ZNF407: variants seen among roughly 807,000 people sequenced by gnomAD.
ZNF407 encodes the protein zinc finger protein 407.
Under a neutral mutation model 131.2 loss-of-function variants are expected in ZNF407, and 17 were observed. That is an observed-to-expected ratio of 0.13 (90% CI 0.09 to 0.19). The LOEUF (loss-of-function observed/expected upper bound fraction) is 0.19, where lower values mean the gene tolerates loss of function less well. Among genes scored for constraint, ZNF407 ranks in the 10% least tolerant of loss-of-function variants. The pLI, the probability that ZNF407 is intolerant of heterozygous loss-of-function variation, is 1.00. For missense variants in ZNF407, 2,681 were observed against 2,830.6 expected (o/e 0.95, Z 1.20); for synonymous variants, 1,156 against 1,062.0 (o/e 1.09, Z -1.72).
chr18:75,054,830 C>G (rs1336258896), intron 8 of ZNF407, among the ~76,000 whole-genome samples: 2 of 152,248 alleles, frequency 1.3e-5, no homozygotes, highest in African/African-American at 4.8e-5. Context: ...GTTTGAAGGT[C>G]TTCTGGAAGC....
rs553686323 is a variant in ZNF407 at position 75,014,978 on chromosome 18, A to G, written c.5429-48172A>G. ...AACAAATATTCTACAATGGAAGTTG[A>G]TGGAACCTGAATGGATTAATTGTTT... On this transcript the variant is annotated intron_variant, in intron 8 of 8. Coordinates refer to ENST00000299687, the MANE Select transcript of ZNF407 (RefSeq NM_017757.3). 9.2e-5 allele frequency among the ~76,000 whole-genome samples: 14 copies of G among 152,204 alleles called. No individual in the cohort carries two copies. In the East Asian group the frequency reaches 1.9e-3, roughly 21 times the overall value.
At chr18:74,727,558 T>A (rs1968188255) in intron 3 of ZNF407, among the ~76,000 whole-genome samples, 1 of 152,246 alleles carries the variant, frequency 6.6e-6, no homozygotes, top group African/African-American at 2.4e-5. Flanking sequence ...GGGGCTCGAA[T>A]GAAGTCTCCG....
chr18:75,006,402 C>T (rs1972910937), intron 8 of ZNF407, among the ~76,000 whole-genome samples: 1 of 152,136 alleles, frequency 6.6e-6, no homozygotes, highest in Non-Finnish European at 1.5e-5. Context: ...GGCATTAACA[C>T]TAGAGGTCCT....
intron 7 of ZNF407, among the ~76,000 whole-genome samples, chr18:74,900,435 A>G (rs1327286852): frequency 6.6e-6 from 1 of 152,068 alleles, no homozygotes; most frequent in African/African-American, 2.4e-5. Flanking sequence ...CTCCCTACCT[A>G]TACACCCCAA....
At chr18:74,996,874 A>G (rs1259177005) in intron 8 of ZNF407, among the ~76,000 whole-genome samples, 1 of 152,276 alleles carries the variant, frequency 6.6e-6, no homozygotes, top group South Asian at 2.1e-4. Flanking sequence ...TTTTGTAGCT[A>G]TCAGACTTTC....
Position 75,063,480 on chromosome 18 carries a change from A to G in ZNF407, c.5759A>G (p.His1920Arg). 1 of 1,601,788 alleles carries G rather than the reference A, an allele frequency of 6.2e-7. No homozygotes were observed. The highest frequency in any genetic ancestry group is 1.3e-5 in the African/African-American group (1 of 74,858). Residue 1920 changes from histidine to arginine, a missense_variant, in exon 9 of 9, where the codon CAT becomes CGT. Physicochemically the swap from His to Arg is conservative, Grantham distance 29 (BLOSUM62 0). Around this residue, in one of 6 missense-constraint regions of ZNF407, gnomAD observed 620 missense variants for 583.1 expected, o/e 1.06. Coordinates refer to ENST00000299687, the MANE Select transcript of ZNF407 (RefSeq NM_017757.3). This position sits in a 1 kb window ranked among gnomAD's most constrained non-coding sequence, Gnocchi z 6.6. Reference protein sequence around the residue: ...QVIATSQSGAHVGSVVPGPIL... With the variant: ...QVIATSQSGARVGSVVPGPIL... ...ATCGCCACGAGTCAGAGCGGGGCACATGTAGGCAGCGTGGTGCCCGGACCC... is the reference window on the plus strand; with the variant it reads ...ATCGCCACGAGTCAGAGCGGGGCACGTGTAGGCAGCGTGGTGCCCGGACCC...
At chr18:74,782,913 A>C (rs1460067232) in intron 4 of ZNF407, among the ~76,000 whole-genome samples, 1 of 152,096 alleles carries the variant, frequency 6.6e-6, no homozygotes, top group Non-Finnish European at 1.5e-5. Flanking sequence ...TATTTCCCTT[A>C]TCTTTCTTTG....
intron 3 of ZNF407, among the ~76,000 whole-genome samples, chr18:74,736,390 T>C (rs1055541479): frequency 6.6e-6 from 1 of 152,094 alleles, no homozygotes; most frequent in African/African-American, 2.4e-5. Flanking sequence ...AAGAAAATGG[T>C]TTTTTAGTGG....
intron 1 of ZNF407, among the ~76,000 whole-genome samples, chr18:74,610,967 G>A (rs946018355): frequency 8.5e-5 from 13 of 152,144 alleles, no homozygotes; most frequent in African/African-American, 2.7e-4. Flanking sequence ...CCAATTTTTT[G>A]TCTCAATGAG....
intron 4 of ZNF407, among the ~76,000 whole-genome samples, chr18:74,805,446 C>A (rs1970094745): frequency 6.6e-6 from 1 of 152,152 alleles, no homozygotes; most frequent in Admixed American, 6.5e-5. Context: ...AAGATAAATA[C>A]CTACTTACAT....
intron 8 of ZNF407, among the ~76,000 whole-genome samples, chr18:74,985,778 C>G (rs747190603): frequency 2.6e-5 from 4 of 152,066 alleles, no homozygotes; most frequent in Non-Finnish European, 5.9e-5. Context: ...AAAAAACTGT[C>G]ATTGCTTGAC....
chr18:74,776,448 C>T (rs759977851), intron 3 of ZNF407, among the ~76,000 whole-genome samples: 25 of 152,134 alleles, frequency 1.6e-4, no homozygotes, highest in South Asian at 4.1e-4. Flanking sequence ...TTTAGTGGTC[C>T]GGTAAGATTA....
chr18:74,808,805 A>G (rs1355229482), intron 4 of ZNF407, among the ~76,000 whole-genome samples: 2 of 152,246 alleles, frequency 1.3e-5, no homozygotes, highest in Non-Finnish European at 2.9e-5. Context: ...TTTGATAGAC[A>G]TGGGCATTTA....
intron 4 of ZNF407, among the ~76,000 whole-genome samples, chr18:74,828,020 C>T (rs1970432101): frequency 6.6e-6 from 1 of 152,176 alleles, no homozygotes; most frequent in Admixed American, 6.5e-5. Flanking sequence ...TGCCGGTCTG[C>T]CTCGCTACTC....
intron 3 of ZNF407, among the ~76,000 whole-genome samples, chr18:74,717,034 C>T (rs866759100): frequency 1.3e-5 from 2 of 152,052 alleles, no homozygotes; most frequent in South Asian, 2.1e-4. Context: ...TTAGTATTCT[C>T]ATCTTTTAAA....
At chr18:74,967,332 G>A (rs1025531626) in intron 8 of ZNF407, among the ~76,000 whole-genome samples, 1 of 152,150 alleles carries the variant, frequency 6.6e-6, no homozygotes, top group African/African-American at 2.4e-5. Context: ...TAAAATTTGA[G>A]TAAATGACAT....
At chr18:74,614,512 CTG>C (rs1441746354) in intron 1 of ZNF407, among the ~76,000 whole-genome samples, 1 of 152,174 alleles carries the variant, frequency 6.6e-6, no homozygotes, top group Admixed American at 6.5e-5. Flanking sequence ...CACCTCAGCA[CTG>C]TGTCTGGTAA....
intron 8 of ZNF407, among the ~76,000 whole-genome samples, chr18:75,001,056 C>T (rs1972839594): frequency 6.6e-6 from 1 of 152,122 alleles, no homozygotes; most frequent in Non-Finnish European, 1.5e-5. Context: ...CATTTCTGTT[C>T]AGACTCATCA....
chr18:74,669,434 C>T (rs1224789797), intron 3 of ZNF407, among the ~76,000 whole-genome samples: 2 of 152,144 alleles, frequency 1.3e-5, no homozygotes, highest in East Asian at 1.9e-4. Context: ...AAGGTACTCC[C>T]CCACCCCTCC....
Sources: gnomAD v4.1 joint callset for allele counts (sites outside exome capture counted in the v4.1 genomes callset) on GRCh38, gnomAD v4.1.1 for gene constraint, gnomAD v4.1.1 regional missense constraint, Gnocchi (gnomAD v3.1) non-coding constraint, MANE v1.5 for transcripts, NCBI Gene and HGNC (gene_info 2026-07-23, HGNC 2026-07-21) for gene names.